Variants in DOCK4 observed in about 807,000 individuals in gnomAD.
The protein encoded by DOCK4 is dedicator of cytokinesis 4, also known as dedicator of cytokinesis protein 4.
A neutral mutation model predicts 268.1 loss-of-function variants in DOCK4; 97 were observed. The ratio of observed to expected loss-of-function variants is 0.36; its 90% confidence interval spans 0.31 to 0.43. DOCK4 has a LOEUF of 0.43. Ranked by LOEUF, DOCK4 falls within the 20% of genes least tolerant of loss-of-function variation. The probability of loss-of-function intolerance (pLI) is 1.00; values close to 1 mark genes in which losing one functional copy is unlikely to be tolerated. For missense variants in DOCK4, 2,145 were observed against 2,455.7 expected, an observed-to-expected ratio of 0.87 and a Z score of 2.67; for synonymous variants, 954 against 887.2, an observed-to-expected ratio of 1.08 and a Z score of -1.34.
intron 23 of DOCK4, among the ~76,000 whole-genome samples, chr7:111,851,870 G>A (rs886118479): frequency 6.6e-6 from 1 of 151,076 alleles, no homozygotes; most frequent in Non-Finnish European, 1.5e-5. Flanking sequence ...ATAGATAAAA[G>A]TGATTCTGTA....
intron 1 of DOCK4, among the ~76,000 whole-genome samples, chr7:112,174,950 T>TA (rs1818377606): frequency 6.6e-6 from 1 of 150,868 alleles, no homozygotes; most frequent in African/African-American, 2.4e-5. Flanking sequence ...TTTTTTTTTT[T>TA]TTTTTTTTGA....
At chr7:111,777,342 C>A (rs1253532742) in intron 36 of DOCK4, among the ~76,000 whole-genome samples, 1 of 152,068 alleles carries the variant, frequency 6.6e-6, no homozygotes, top group Non-Finnish European at 1.5e-5. Flanking sequence ...AAAAGAAATA[C>A]TAAAACAAGA....
chr7:112,115,196 A>G (rs1812017013), intron 1 of DOCK4, among the ~76,000 whole-genome samples: 1 of 152,228 alleles, frequency 6.6e-6, no homozygotes, highest in African/African-American at 2.4e-5. Flanking sequence ...GCGTAAAAGA[A>G]TCACCTGGCA....
intron 1 of DOCK4, among the ~76,000 whole-genome samples, chr7:112,036,287 T>A (rs968171144): frequency 1.4e-4 from 21 of 151,580 alleles, no homozygotes; most frequent in Non-Finnish European, 7.4e-5. Context: ...AAATAAATAA[T>A]CAGACATGGA....
At chr7:112,110,984 C>T (rs1000608234) in intron 1 of DOCK4, among the ~76,000 whole-genome samples, 1 of 152,234 alleles carries the variant, frequency 6.6e-6, no homozygotes, top group Non-Finnish European at 1.5e-5. Flanking sequence ...AATCCCCAAA[C>T]CCCCATTGCC....
chr7:111,780,096 T>C (rs1421745204), intron 35 of DOCK4, among the ~76,000 whole-genome samples: 1 of 152,180 alleles, frequency 6.6e-6, no homozygotes, highest in African/African-American at 2.4e-5. Flanking sequence ...TTGGTAATAA[T>C]GGACCGATCT....
chr7:112,126,754 G>C (rs999287354), intron 1 of DOCK4, among the ~76,000 whole-genome samples: 1 of 152,296 alleles, frequency 6.6e-6, no homozygotes, highest in Admixed American at 6.5e-5. Context: ...CGAAGGATAT[G>C]AACAGACACT....
chr7:112,115,360 G>C (rs1812037127), intron 1 of DOCK4, among the ~76,000 whole-genome samples: 1 of 152,182 alleles, frequency 6.6e-6, no homozygotes. Flanking sequence ...CATCTGATGT[G>C]CTACTTCCTG....
chr7:112,021,693 T>C (rs1027404854), intron 1 of DOCK4, among the ~76,000 whole-genome samples: 1 of 152,246 alleles, frequency 6.6e-6, no homozygotes, highest in Non-Finnish European at 1.5e-5. Flanking sequence ...TTCAAGTTTA[T>C]GTATTTTAAT....
chr7:112,070,413 T>C (rs1322764039), intron 1 of DOCK4, among the ~76,000 whole-genome samples: 10 of 152,160 alleles, frequency 6.6e-5, no homozygotes, highest in African/African-American at 1.9e-4. Flanking sequence ...ACTGTGGTTT[T>C]TGCCATTAAA....
At chr7:111,842,285 A>G (rs1422500030) in intron 25 of DOCK4, among the ~76,000 whole-genome samples, 1 of 152,152 alleles carries the variant, frequency 6.6e-6, no homozygotes, top group Non-Finnish European at 1.5e-5. Context: ...TTTGCCTCGT[A>G]TATTTCAAAG....
chr7:111,825,552 C>T (rs1054975798), intron 26 of DOCK4, among the ~76,000 whole-genome samples: 1 of 152,146 alleles, frequency 6.6e-6, no homozygotes, highest in Non-Finnish European at 1.5e-5. Flanking sequence ...CATTGCCATG[C>T]CTATAATATT....
chr7:111,904,610 A>G (rs1037883782), intron 13 of DOCK4, among the ~76,000 whole-genome samples: 1 of 152,168 alleles, frequency 6.6e-6, no homozygotes, highest in Non-Finnish European at 1.5e-5. Flanking sequence ...GAATTCTCCT[A>G]TCTCTTCTTT....
chr7:111,940,242 C>A lies in DOCK4; in HGVS notation c.845G>T (p.Gly282Val). ...CTTTTTTTCTCCTGCTCCCATTCGACCTGTTCAATTAAAGAGCAATCATTA... is the reference window on the plus strand; with the variant it reads ...CTTTTTTTCTCCTGCTCCCATTCGAACTGTTCAATTAAAGAGCAATCATTA... ...IYITVHIIRI[G>V]RMGAGEKKNA... is the part of the protein sequence containing the mutation. Residue 282 changes from glycine to valine, a missense_variant and splice_region_variant, in exon 11 of 53, where the codon GGT becomes GTT. By Grantham distance (109) the Gly-to-Val change is moderately radical. Transcript: ENST00000428084. The A allele has an allele frequency of 6.2e-7, 1 of 1,613,936 alleles. No homozygotes were observed. Among genetic ancestry groups the A allele is most frequent in the Non-Finnish European group, 8.5e-7 (1 of 1,179,870 alleles).
intron 12 of DOCK4, among the ~76,000 whole-genome samples, chr7:111,927,204 G>C (rs1793789750): frequency 6.6e-6 from 1 of 152,190 alleles, no homozygotes; most frequent in Non-Finnish European, 1.5e-5. Context: ...CAAAAGGTAT[G>C]ATAAGCGTGA....
intron 25 of DOCK4, among the ~76,000 whole-genome samples, chr7:111,839,700 T>C (rs916215037): frequency 3.3e-5 from 5 of 152,242 alleles, no homozygotes. Flanking sequence ...TATTCACTTA[T>C]GCTGTTTAGG....
intron 1 of DOCK4, among the ~76,000 whole-genome samples, chr7:112,152,636 A>G (rs1816203762): frequency 6.6e-6 from 1 of 152,140 alleles, no homozygotes; most frequent in African/African-American, 2.4e-5. Context: ...TAAAGTCTTG[A>G]TTTCTTGATA....
At chr7:111,915,111 A>G (rs1792475412) in intron 13 of DOCK4, among the ~76,000 whole-genome samples, 2 of 152,182 alleles carry the variant, frequency 1.3e-5, no homozygotes, top group Admixed American at 1.3e-4. Flanking sequence ...CCATAAGCAC[A>G]TAAAGGGGTG....
intron 25 of DOCK4, 55 bp downstream of exon 25, chr7:111,844,708 G>T: frequency 6.5e-7 from 1 of 1,547,202 alleles, no homozygotes; most frequent in Non-Finnish European, 8.7e-7. Context: ...CACCTGCAAC[G>T]TGACTGAAGC....
Sources: allele counts gnomAD v4.1 joint callset (sites outside exome capture counted in the v4.1 genomes callset), GRCh38; gene constraint gnomAD v4.1.1; transcripts MANE v1.5; gene names NCBI Gene and HGNC (gene_info 2026-07-23, HGNC 2026-07-21).